Variants in SHISA7 observed in about 807,000 individuals in gnomAD.
SHISA7 encodes the protein protein shisa-7.
Under a neutral mutation model 23.9 loss-of-function variants are expected in SHISA7, and 6 were observed. That is an observed-to-expected ratio of 0.25 (90% CI 0.14 to 0.50). SHISA7 has a LOEUF of 0.50. Ranked by LOEUF, SHISA7 falls within the 20% of genes least tolerant of loss-of-function variation. The probability of loss-of-function intolerance (pLI) is 0.98; values close to 1 mark genes in which losing one functional copy is unlikely to be tolerated. For synonymous variants in SHISA7, 386 were observed against 398.3 expected, an observed-to-expected ratio of 0.97 and a Z score of 0.37; for missense variants, 671 against 801.1, an observed-to-expected ratio of 0.84 and a Z score of 1.96.
At chr19:55,440,937 CTT>C (rs1238888430) in intron 1 of SHISA7, among the ~76,000 whole-genome samples, 172 bp from the exon 2 acceptor site, 1 of 152,168 alleles carries the variant, frequency 6.6e-6, no homozygotes, top group Non-Finnish European at 1.5e-5. Flanking sequence ...GAATGACCCC[CTT>C]TCTCAGGCCA....
At position 55,433,889 on chromosome 19, in the gene SHISA7, C is replaced by T; in HGVS notation, c.977-93G>A. On this transcript the variant is annotated intron_variant, in intron 3 of 3. Coordinates refer to ENST00000376325, the MANE Select transcript of SHISA7 (RefSeq NM_001145176.2). The surrounding 1 kb of genome is among the most constrained non-coding windows in gnomAD (Gnocchi z 8.4). ...CTCGTCACATCCCGCTCCTATGCTC[C>T]TTGTGCCCCCACAAGGATCCTGGGC... 1 of 1,290,258 alleles carries T rather than the reference C, an allele frequency of 7.8e-7. No homozygotes were observed. Among genetic ancestry groups the T allele is most frequent in the Non-Finnish European group, 9.9e-7 (1 of 1,009,922 alleles). 79.9% of individuals were successfully genotyped at this position (1,290,258 alleles called of 1,614,324 possible). A position where few individuals can be genotyped will look rare whatever the true frequency, so the allele number is the denominator to read the frequency against.
At chr19:55,435,254 G>T (rs1471276958) in intron 3 of SHISA7, among the ~76,000 whole-genome samples, 10 of 129,224 alleles carry the variant, frequency 7.7e-5, no homozygotes, top group Non-Finnish European at 1.3e-4. Context: ...GCGTGTGTGT[G>T]GTGTGTATGT....
Position 55,430,511 on chromosome 19 carries a change from G to A in SHISA7, c.*2645C>T, listed in dbSNP as rs995471435. 1.3e-5 allele frequency: 2 copies of A among 152,094 alleles called. No individual in the cohort carries two copies. The highest frequency in any genetic ancestry group is 6.6e-5 in the Admixed American group (1 of 15,264). The allele number at this position is 152,094 out of a possible 1,614,324, so 9.4% of individuals were successfully genotyped here. A position where few individuals can be genotyped will look rare whatever the true frequency, so the allele number is the denominator to read the frequency against. ...GTTATGGTGGATCCTAGTGGGTGGT[G>A]ACAGCACTGGACCTCATGGATCCTG... On this transcript the variant is annotated 3_prime_UTR_variant, in exon 4 of 4. Coordinates refer to ENST00000376325, the MANE Select transcript of SHISA7 (RefSeq NM_001145176.2).
At chr19:55,434,827 GTGTGGT>G in intron 3 of SHISA7, among the ~76,000 whole-genome samples, 1 of 78,108 alleles carries the variant, frequency 1.3e-5, no homozygotes, top group Admixed American at 1.5e-4. Context: ...GTGTATGTGT[GTGTGGT>G]GTGTGGTGTG....
Position 55,429,444 on chromosome 19 carries a change from G to A in SHISA7, c.*3712C>T, listed in dbSNP as rs1985115730. 1 of 152,524 alleles carries A rather than the reference G, an allele frequency of 6.6e-6. No homozygotes were observed. The highest frequency in any genetic ancestry group is 1.5e-5 in the Non-Finnish European group (1 of 68,328). 9.4% of individuals were successfully genotyped at this position (152,524 alleles called of 1,614,324 possible). ...GAGGAGCCCCTCAGAGCAGCTAGAA[G>A]CCGTGGGGTTGAAAAACTGGCACCA... On this transcript the variant is annotated 3_prime_UTR_variant, in exon 4 of 4. Coordinates refer to ENST00000376325, the MANE Select transcript of SHISA7 (RefSeq NM_001145176.2).
chr19:55,435,251 T>C (rs1985417528), intron 3 of SHISA7, among the ~76,000 whole-genome samples: 2 of 130,766 alleles, frequency 1.5e-5, no homozygotes, highest in African/African-American at 6.1e-5. Context: ...TGTGCGTGTG[T>C]GTGGTGTGTA....
chr19:55,434,431 G>GGT (rs1268539356), intron 3 of SHISA7, among the ~76,000 whole-genome samples: 1 of 142,406 alleles, frequency 7.0e-6, no homozygotes, highest in African/African-American at 2.7e-5. Context: ...TATGGTGTGT[G>GGT]TGTGGTGTGT....
Position 55,442,229 on chromosome 19 carries a change from C to T in SHISA7, c.635G>A (p.Arg212His). ...GAKVAFSKAS[R>H]APRAHRDINV... Reference sequence around the variant, plus strand: ...GATATCCCGGTGCGCCCGGGGCGCACGGGACGCCTTGCTGAAGGCCACTTT... The same window carrying T: ...GATATCCCGGTGCGCCCGGGGCGCATGGGACGCCTTGCTGAAGGCCACTTT... The change falls in exon 1 of 4, where the codon CGT becomes CAT. Residue 212 changes from arginine (R) to histidine (H), a missense_variant. By Grantham distance (29) the Arg-to-His change is conservative. Coordinates refer to ENST00000376325, the MANE Select transcript of SHISA7 (RefSeq NM_001145176.2). The T allele has an allele frequency of 6.5e-7, 1 of 1,534,092 alleles. No homozygotes were observed. Among genetic ancestry groups the T allele is most frequent in the Non-Finnish European group, 8.7e-7 (1 of 1,145,858 alleles).
At chr19:55,434,765 G>GC (rs1985355290) in intron 3 of SHISA7, among the ~76,000 whole-genome samples, 1 of 103,318 alleles carries the variant, frequency 9.7e-6, no homozygotes, top group Admixed American at 1.0e-4. Context: ...GGTGTGTGTG[G>GC]TGTGTGGTGT....
intron 3 of SHISA7, among the ~76,000 whole-genome samples, chr19:55,434,938 TGTGTATG>T (rs1220862896): frequency 4.1e-5 from 5 of 122,302 alleles, no homozygotes; most frequent in Non-Finnish European, 6.7e-5. Context: ...ATATGTGGTG[TGTGTATG>T]GTGTGTGGTG....
chr19:55,434,658 TG>T (rs1985343993), intron 3 of SHISA7, among the ~76,000 whole-genome samples: 16 of 49,780 alleles, frequency 3.2e-4, no homozygotes, highest in South Asian at 9.1e-4. Flanking sequence ...ATGGTGTGTG[TG>T]GTGTGTGTGT....
At chr19:55,438,660 C>A in intron 2 of SHISA7, 1 of 1,297,938 alleles carries the variant, frequency 7.7e-7, no homozygotes, top group Non-Finnish European at 1.0e-6. Context: ...GATGTCACTG[C>A]CATCACTGAC....
At chr19:55,434,649 TG>T (rs1985343178) in intron 3 of SHISA7, among the ~76,000 whole-genome samples, 1 of 43,478 alleles carries the variant, frequency 2.3e-5, no homozygotes. Context: ...GTTGTGTGTA[TG>T]GTGTGTGTGG....
chr19:55,436,737 C>G (rs766124198), intron 3 of SHISA7, among the ~76,000 whole-genome samples: 1 of 152,030 alleles, frequency 6.6e-6, no homozygotes, highest in Non-Finnish European at 1.5e-5. Context: ...AGTGAAACCC[C>G]GTCTCTACAA....
At chr19:55,438,710 C>G in intron 2 of SHISA7, 1 of 1,176,764 alleles carries the variant, frequency 8.5e-7, no homozygotes, top group Non-Finnish European at 1.1e-6. Context: ...GGGAAGGACT[C>G]TGGCCCCAAG....
chr19:55,433,478 G>A lies in SHISA7; in HGVS notation c.1295C>T (p.Pro432Leu). The change falls in exon 4 of 4, where the codon CCG becomes CTG. Residue 432 changes from proline (P) to leucine (L), a missense_variant. Physicochemically the swap from Pro to Leu is moderately conservative, Grantham distance 98. This residue lies in a region of SHISA7 where 457 missense variants were observed against 488.3 expected (regional missense o/e 0.94). Coordinates refer to ENST00000376325, the MANE Select transcript of SHISA7 (RefSeq NM_001145176.2). The surrounding 1 kb of genome is among the most constrained non-coding windows in gnomAD (Gnocchi z 8.4). ...RQSREHLLSP[P>L]RSPALPPDPT... ...GTCGGGGGGCAGCGCGGGGCTGCGC[G>A]GGGGCGACAGCAGGTGCTCGCGACT... The A allele has an allele frequency of 7.0e-7, 1 of 1,420,606 alleles. No individual in the cohort carries two copies. The highest frequency in any genetic ancestry group is 9.1e-7 in the Non-Finnish European group (1 of 1,094,108). The allele number at this position is 1,420,606 out of a possible 1,614,324, so 88.0% of individuals were successfully genotyped here.
chr19:55,433,116 G>C lies in SHISA7; in HGVS notation c.*40C>G. 6.7e-7 allele frequency: 1 copy of C among 1,494,030 alleles called. No homozygotes were observed. The highest frequency in any genetic ancestry group is 1.3e-5 in the South Asian group (1 of 79,930). 92.5% of individuals were successfully genotyped at this position (1,494,030 alleles called of 1,614,324 possible). Reference sequence around the variant, plus strand: ...GTCGGGGGATCCAGGCTGGGACGGGGGGCCCGGGAGGCCGCAGCCCCCCAG... The same window carrying C: ...GTCGGGGGATCCAGGCTGGGACGGGCGGCCCGGGAGGCCGCAGCCCCCCAG... On this transcript the variant is annotated 3_prime_UTR_variant, in exon 4 of 4. Transcript: ENST00000376325. This position sits in a 1 kb window ranked among gnomAD's most constrained non-coding sequence, Gnocchi z 8.4.
In SHISA7 at chr19:55,433,594, A is replaced by G. The variant is rs764302047; in HGVS notation, c.1179T>C (p.Gly393=). Residue 393 remains glycine (G), a synonymous_variant, in exon 4 of 4, where the codon GGT becomes GGC. Transcript: ENST00000376325. This position sits in a 1 kb window ranked among gnomAD's most constrained non-coding sequence, Gnocchi z 8.4. ...GCGTGAACTCGTAGCGCGAACGGCC[A>G]CCATCGCCCAGCAGGTGCTCCTGGG... ...VMSQEHLLGD[G]GRSRYEFTLP... 61 of 1,497,914 alleles carry G rather than the reference A, an allele frequency of 4.1e-5. No individual in the cohort carries two copies. In the African/African-American group the frequency reaches 8.2e-4, roughly 20 times the overall value. The allele number at this position is 1,497,914 out of a possible 1,614,324, so 92.8% of individuals were successfully genotyped here.
At chr19:55,440,425 G>T (rs1985568254) in intron 2 of SHISA7, among the ~76,000 whole-genome samples, 186 bp downstream of exon 2, 1 of 152,244 alleles carries the variant, frequency 6.6e-6, no homozygotes, top group African/African-American at 2.4e-5. Flanking sequence ...GAGAGGGTCT[G>T]GCTCTCTACG....
Sources: allele counts gnomAD v4.1 joint callset (sites outside exome capture counted in the v4.1 genomes callset), GRCh38; gene constraint gnomAD v4.1.1; regional missense constraint gnomAD v4.1.1; non-coding constraint Gnocchi (gnomAD v3.1); transcripts MANE v1.5; gene names NCBI Gene and HGNC (gene_info 2026-07-23, HGNC 2026-07-21).